The following CNOT1 variants were observed in gnomAD, a reference collection of about 807,000 sequenced individuals.
CNOT1 encodes the protein CCR4-NOT transcription complex subunit 1, also known as CCR4-associated factor 1.
Under a neutral mutation model 273.8 loss-of-function variants are expected in CNOT1, and 15 were observed. The observed-to-expected ratio is 0.05, with a 90% CI of 0.04 to 0.08. The LOEUF is 0.08. Ranked by LOEUF, CNOT1 falls within the 10% of genes least tolerant of loss-of-function variation. The pLI, the probability that CNOT1 is intolerant of heterozygous loss-of-function variation, is 1.00. For synonymous variants in CNOT1, 1,022 were observed against 1,005.5 expected, an observed-to-expected ratio of 1.02 and a Z score of -0.31; for missense variants, 1,644 against 2,912.2, an observed-to-expected ratio of 0.56 and a Z score of 10.02.
intron 16 of CNOT1, among the ~76,000 whole-genome samples, chr16:58,570,764 TAA>T (rs750280626): frequency 6.6e-6 from 1 of 152,076 alleles, no homozygotes; most frequent in Non-Finnish European, 1.5e-5. Flanking sequence ...CTACCGAAAC[TAA>T]AAGATTGGAG....
chr16:58,604,888 G>A (rs2042616558), intron 1 of CNOT1, among the ~76,000 whole-genome samples: 1 of 148,828 alleles, frequency 6.7e-6, no homozygotes, highest in Non-Finnish European at 1.5e-5. Flanking sequence ...TGTAATCCCA[G>A]CACTTTGCGA....
At chr16:58,550,621 G>GCTT (rs1307630195) in intron 24 of CNOT1, among the ~76,000 whole-genome samples, 3 of 151,984 alleles carry the variant, frequency 2.0e-5, no homozygotes, top group Non-Finnish European at 4.4e-5. Context: ...TCACAGTAAG[G>GCTT]CTTCTGCATG....
At chr16:58,602,025 T>C (rs1272692179) in intron 1 of CNOT1, among the ~76,000 whole-genome samples, 2 of 152,158 alleles carry the variant, frequency 1.3e-5, no homozygotes, top group African/African-American at 4.8e-5. Context: ...TTTTCTTCTC[T>C]AGATTCACTT....
rs769884011 is a variant in CNOT1, at chr16:58,587,302, T to C, written c.378+43A>G. 4.3e-6 allele frequency: 7 copies of C among 1,613,258 alleles called. No homozygotes were observed. The African/African-American group carries it at 6.7e-5, about 15-fold the overall frequency. On this transcript the variant is annotated intron_variant, in intron 5 of 48. Transcript: ENST00000317147. ...TAACCAAAGAGTCAAATGGCTGTTT[T>C]TAATTCTAGTTTTGTCTACATCTCT...
At chr16:58,615,633 T>C (rs1433383133) in intron 1 of CNOT1, among the ~76,000 whole-genome samples, 3 of 126,282 alleles carry the variant, frequency 2.4e-5, no homozygotes, top group African/African-American at 8.0e-5. Context: ...CGCTGTTATC[T>C]TGGATTTGTT....
At chr16:58,533,410 G>A (rs2039829427) in intron 40 of CNOT1, among the ~76,000 whole-genome samples, 1 of 152,246 alleles carries the variant, frequency 6.6e-6, no homozygotes. Flanking sequence ...GCTGAGGCAG[G>A]CGGATCACAA....
chr16:58,574,052 A>T (rs781574106), intron 16 of CNOT1, among the ~76,000 whole-genome samples: 53 of 151,886 alleles, frequency 3.5e-4, no homozygotes, highest in Non-Finnish European at 5.0e-4. Context: ...GGAGTTTGAG[A>T]TCAGCTCGGG....
intron 1 of CNOT1, among the ~76,000 whole-genome samples, chr16:58,623,611 C>G (rs770998633): frequency 6.6e-6 from 1 of 152,156 alleles, no homozygotes; most frequent in Admixed American, 6.6e-5. Flanking sequence ...CACAGTGTAG[C>G]CAGGGGAGGG....
At chr16:58,593,262 A>G (rs1567431019) in intron 2 of CNOT1, among the ~76,000 whole-genome samples, 1 of 152,204 alleles carries the variant, frequency 6.6e-6, no homozygotes, top group South Asian at 2.1e-4. Flanking sequence ...AGTTCCTACT[A>G]AAAATACAAA....
intron 39 of CNOT1, among the ~76,000 whole-genome samples, chr16:58,536,544 T>C (rs2151910047): frequency 6.6e-6 from 1 of 152,266 alleles, no homozygotes; most frequent in East Asian, 1.9e-4. Flanking sequence ...CAAAGGAACA[T>C]GTCACTACGT....
chr16:58,579,101 GCC>G (rs2151971139), intron 12 of CNOT1, among the ~76,000 whole-genome samples, 162 bp from the exon 13 acceptor site: 1 of 152,228 alleles, frequency 6.6e-6, no homozygotes, highest in African/African-American at 2.4e-5. Flanking sequence ...AATTATTTTT[GCC>G]CCAAGAGGTT....
At chr16:58,581,246 C>G in intron 11 of CNOT1, 99 bp downstream of exon 11, 3 of 1,371,972 alleles carry the variant, frequency 2.2e-6, no homozygotes, top group Non-Finnish European at 3.0e-6. Flanking sequence ...ATAACAAATT[C>G]TACTTTACAA....
chr16:58,603,408 AGTGTGTGTGTGTGTGTGT>A (rs200088613), intron 1 of CNOT1, among the ~76,000 whole-genome samples: 404 of 96,752 alleles, frequency 4.2e-3, no homozygotes, highest in African/African-American at 0.011. Context: ...ACAATTTAAA[AGTGTGTGTGTGTGTGTGT>A]GTGTGTGTGT....
intron 47 of CNOT1, among the ~76,000 whole-genome samples, chr16:58,521,603 C>T (rs62040073): frequency 0.041 from 6,187 of 152,270 alleles, 401 homozygotes; most frequent in East Asian, 0.26. Context: ...GAGGAAGCCA[C>T]ATAAAGCCCA....
chr16:58,540,515 A>T (rs2040060640), intron 34 of CNOT1, among the ~76,000 whole-genome samples: 1 of 152,230 alleles, frequency 6.6e-6, no homozygotes, highest in African/African-American at 2.4e-5. Context: ...GTCATGAAAG[A>T]TGAGGAAAAA....
chr16:58,520,740 C>T lies in CNOT1; in HGVS notation c.*218G>A. ...CACAAGTTCAAAATGATATTCACAG[C>T]ATCTTCTAAATTTTGGCCAAGAGTC... is the stretch of plus-strand genomic sequence containing the variant. On this transcript the variant is annotated 3_prime_UTR_variant, in exon 49 of 49. Transcript: ENST00000317147. The T allele has an allele frequency of 1.8e-6, 1 of 565,716 alleles. No homozygotes were observed. Among genetic ancestry groups the T allele is most frequent in the Non-Finnish European group, 3.2e-6 (1 of 316,462 alleles). 35.0% of individuals were successfully genotyped at this position (565,716 alleles called of 1,614,324 possible).
chr16:58,609,238 G>A (rs553297014), intron 1 of CNOT1, among the ~76,000 whole-genome samples: 1 of 152,180 alleles, frequency 6.6e-6, no homozygotes, highest in East Asian at 1.9e-4. Context: ...CAGGTGTGGT[G>A]GCACACACCT....
At chr16:58,576,393 G>A in intron 14 of CNOT1, 70 bp downstream of exon 14, 1 of 1,599,202 alleles carries the variant, frequency 6.3e-7, no homozygotes, top group Non-Finnish European at 8.5e-7. Flanking sequence ...TTACAGGCAT[G>A]AGCCACCGCG....
In CNOT1 at chr16:58,574,771, G is replaced by A; in HGVS notation, c.1828-11C>T. 6.3e-7 allele frequency: 1 copy of A among 1,588,412 alleles called. No individual in the cohort carries two copies. Among genetic ancestry groups the A allele is most frequent in the Non-Finnish European group, 8.5e-7 (1 of 1,174,542 alleles). On this transcript the variant is annotated splice_polypyrimidine_tract_variant and intron_variant, in intron 15 of 48. Coordinates refer to ENST00000317147, the MANE Select transcript of CNOT1 (RefSeq NM_016284.5). ...CTGGATAAAAGGCTCCTGAAGAATA[G>A]AAAAGTCTCTCAGTGTATTTAAAAT...
Sources: gnomAD v4.1 joint callset for allele counts (sites outside exome capture counted in the v4.1 genomes callset) on GRCh38, gnomAD v4.1.1 for gene constraint, MANE v1.5 for transcripts, NCBI Gene and HGNC (gene_info 2026-07-23, HGNC 2026-07-21) for gene names.